The following MTF2 variants were observed in gnomAD, a reference collection of about 807,000 sequenced individuals.
MTF2 encodes metal response element binding transcription factor 2, also known as metal-response element-binding transcription factor 2.
In MTF2, 11 loss-of-function variants were observed where a neutral mutation model predicts 79.5. That is an observed-to-expected ratio of 0.14 (90% CI 0.09 to 0.23). MTF2 has a LOEUF of 0.23. Ranked by LOEUF, MTF2 falls within the 10% of genes least tolerant of loss-of-function variation. The pLI is 1.00. For missense variants in MTF2, 486 were observed against 711.2 expected, an observed-to-expected ratio of 0.68 and a Z score of 3.60; for synonymous variants, 208 against 232.8, an observed-to-expected ratio of 0.89 and a Z score of 0.97.
chr1:93,118,311 A>G (rs1656335987), intron 6 of MTF2, 34 bp from the exon 7 acceptor site: 8 of 1,381,478 alleles, frequency 5.8e-6, no homozygotes, highest in Non-Finnish European at 7.9e-6. Flanking sequence ...TAAGACAGGA[A>G]TTTTAGTGTT....
intron 1 of MTF2, among the ~76,000 whole-genome samples, chr1:93,082,345 A>T (rs376307866): frequency 3.3e-5 from 5 of 150,506 alleles, no homozygotes; most frequent in African/African-American, 9.8e-5. Context: ...AAGTGGTGCT[A>T]TCATAACTTG....
At position 93,117,574 on chromosome 1, in the gene MTF2, T is replaced by C. The variant is rs142016483; in HGVS notation, c.633-771T>C. Among the ~76,000 whole-genome samples, 55 of 152,370 alleles carry C rather than the reference T, an allele frequency of 3.6e-4. 1 individual carries two copies. The East Asian group carries it at 9.4e-3, about 26-fold the overall frequency. On this transcript the variant is annotated intron_variant, in intron 6 of 14. Coordinates refer to ENST00000370298, the MANE Select transcript of MTF2 (RefSeq NM_007358.4). The stretch of plus-strand genomic sequence containing the variant: ...GTTAAGCAGGTTTATTAAATCGTTA[T>C]ATTCTTTTTATTATAGCTGACAAGA...
chr1:93,131,276 GAGAT>G (rs1349143538), intron 11 of MTF2, among the ~76,000 whole-genome samples: 1 of 152,190 alleles, frequency 6.6e-6, no homozygotes, highest in Non-Finnish European at 1.5e-5. Context: ...TGTTTCAAGA[GAGAT>G]AGGTATATTA....
intron 11 of MTF2, among the ~76,000 whole-genome samples, chr1:93,131,671 G>A (rs990057394): frequency 6.6e-6 from 1 of 152,220 alleles, no homozygotes; most frequent in Non-Finnish European, 1.5e-5. Context: ...GAGGGGGATA[G>A]GACTAGTCAA....
In MTF2 at chr1:93,110,526, G is replaced by T; in HGVS notation, c.205-19G>T. ...TTTAATTTTAAGAGATCACCGTTAA[G>T]TATTTCTCTGTATTGCAGATAAACA... On this transcript the variant is annotated intron_variant, in intron 2 of 14. Transcript: ENST00000370298. 1 of 1,604,896 alleles carries T rather than the reference G, an allele frequency of 6.2e-7. No individual in the cohort carries two copies. The highest frequency in any genetic ancestry group is 8.5e-7 in the Non-Finnish European group (1 of 1,172,544).
At chr1:93,128,331 G>A (rs1349060097) in intron 10 of MTF2, among the ~76,000 whole-genome samples, 1 of 152,048 alleles carries the variant, frequency 6.6e-6, no homozygotes, top group Non-Finnish European at 1.5e-5. Flanking sequence ...GCCGAGGCAG[G>A]CAGATCACCT....
Position 93,133,685 on chromosome 1 carries a change from A to G in MTF2, c.1161-18A>G. On this transcript the variant is annotated intron_variant, in intron 11 of 14. Coordinates refer to ENST00000370298, the MANE Select transcript of MTF2 (RefSeq NM_007358.4). ...TTCTTTATGCAGAGATTAAATGCATAATGGTTTTCCATTTCAGGGAAGTAA... is the reference window on the plus strand; with the variant it reads ...TTCTTTATGCAGAGATTAAATGCATGATGGTTTTCCATTTCAGGGAAGTAA... The G allele has an allele frequency of 1.3e-6, 2 of 1,568,914 alleles. No individual in the cohort carries two copies. The highest frequency in any genetic ancestry group is 2.2e-5 in the South Asian group (2 of 89,280).
At chr1:93,112,344 TTAA>T (rs1482295895) in intron 3 of MTF2, among the ~76,000 whole-genome samples, 1 of 151,626 alleles carries the variant, frequency 6.6e-6, no homozygotes, top group African/African-American at 2.4e-5. Flanking sequence ...ATATCAAAAC[TTAA>T]TAAATTATAT....
chr1:93,089,440 A>T (rs949397167), intron 1 of MTF2, among the ~76,000 whole-genome samples: 3 of 152,150 alleles, frequency 2.0e-5, no homozygotes, highest in Non-Finnish European at 2.9e-5. Context: ...AAAGTTTTAG[A>T]GTTCCAGTGA....
chr1:93,124,237 AC>A (rs530363034), intron 9 of MTF2, among the ~76,000 whole-genome samples: 2 of 152,142 alleles, frequency 1.3e-5, no homozygotes, highest in African/African-American at 4.8e-5. Context: ...TTGAGGAACT[AC>A]TATGTTTTGG....
At chr1:93,079,634 G>A (rs1654514288) in intron 1 of MTF2, 103 bp downstream of exon 1, 15 of 1,409,638 alleles carry the variant, frequency 1.1e-5, no homozygotes, top group Non-Finnish European at 1.5e-5. Context: ...GGAGGACCAA[G>A]GTGGGGGTGG....
At chr1:93,084,972 A>T (rs542510497) in intron 1 of MTF2, among the ~76,000 whole-genome samples, 13 of 152,200 alleles carry the variant, frequency 8.5e-5, no homozygotes, top group Non-Finnish European at 1.8e-4. Context: ...TCCTATCCTC[A>T]TTTAATTTAA....
rs2101098814 is a variant in MTF2 at position 93,134,087 on chromosome 1, T to G, written c.1320-4T>G. 3 of 1,603,054 alleles carry G rather than the reference T, an allele frequency of 1.9e-6. No individual in the cohort carries two copies. In the East Asian group the frequency reaches 6.7e-5, roughly 36 times the overall value. ...GTTACACAATTTAAATTCTTTTGTC[T>G]CAGGAGAACTGAGGGAACTGCACAT... On this transcript the variant is annotated splice_polypyrimidine_tract_variant and splice_region_variant and intron_variant, in intron 13 of 14. Transcript: ENST00000370298.
intron 3 of MTF2, among the ~76,000 whole-genome samples, chr1:93,111,956 G>A (rs956608344): frequency 1.3e-5 from 2 of 152,128 alleles, no homozygotes; most frequent in African/African-American, 4.8e-5. Flanking sequence ...TGGATTTAAT[G>A]TAATAGGTCT....
chr1:93,099,112 T>A (rs893296573), intron 1 of MTF2, among the ~76,000 whole-genome samples: 1 of 152,184 alleles, frequency 6.6e-6, no homozygotes, highest in Admixed American at 6.5e-5. Context: ...CCTCCATATT[T>A]TGGCAGAGTT....
At chr1:93,131,924 C>T (rs1195812926) in intron 11 of MTF2, among the ~76,000 whole-genome samples, 2 of 151,936 alleles carry the variant, frequency 1.3e-5, no homozygotes, top group East Asian at 1.9e-4. Context: ...GGAAATTGAC[C>T]GAAGTTCTTG....
intron 14 of MTF2, 141 bp from the exon 15 acceptor site, chr1:93,136,529 A>G: frequency 2.8e-6 from 2 of 707,374 alleles, no homozygotes; most frequent in Non-Finnish European, 4.8e-6. Flanking sequence ...TTTATATAGC[A>G]TTTATTGTTT....
intron 9 of MTF2, among the ~76,000 whole-genome samples, chr1:93,124,061 A>G (rs1453364506): frequency 6.6e-6 from 1 of 152,066 alleles, no homozygotes; most frequent in African/African-American, 2.4e-5. Context: ...TTCATGTATC[A>G]TATTTTTTTC....
intron 10 of MTF2, among the ~76,000 whole-genome samples, chr1:93,128,577 A>G (rs965768755): frequency 2.0e-5 from 3 of 151,134 alleles, no homozygotes; most frequent in Non-Finnish European, 3.0e-5. Context: ...AAAAAAAATT[A>G]AAAAGAGAGG....
Sources: gnomAD v4.1 joint callset for allele counts (sites outside exome capture counted in the v4.1 genomes callset) on GRCh38, gnomAD v4.1.1 for gene constraint, MANE v1.5 for transcripts, NCBI Gene and HGNC (gene_info 2026-07-23, HGNC 2026-07-21) for gene names.